Variants in ADGB observed in about 807,000 individuals in gnomAD.
The protein encoded by ADGB is androglobin.
ADGB carries 172 observed loss-of-function variants against 210.5 expected under a neutral mutation model. That is an observed-to-expected ratio of 0.82 (90% CI 0.72 to 0.93). ADGB has a LOEUF of 0.93. Ranked by LOEUF, ADGB falls within the 40% of genes least tolerant of loss-of-function variation. The probability of loss-of-function intolerance (pLI) is 0.00; values close to 1 mark genes in which losing one functional copy is unlikely to be tolerated. For synonymous variants in ADGB, 658 were observed against 662.7 expected, an observed-to-expected ratio of 0.99 and a Z score of 0.11; for missense variants, 2,025 against 1,964.8, an observed-to-expected ratio of 1.03 and a Z score of -0.58.
rs1319834455 is a variant in ADGB, at chr6:146,717,108, T to C, written c.1928+39T>C. 4.0e-6 allele frequency: 6 copies of C among 1,490,512 alleles called. No individual in the cohort carries two copies. The East Asian group carries it at 1.2e-4, about 31-fold the overall frequency. The allele number at this position is 1,490,512 out of a possible 1,614,324, so 92.3% of individuals were successfully genotyped here. A position where few individuals can be genotyped will look rare whatever the true frequency, so the allele number is the denominator to read the frequency against. ...TGGGATCAATCTGACTATGTCGTAG[T>C]GGTTAAACCCTGAGCTGCATTAGTA... On this transcript the variant is annotated intron_variant, in intron 15 of 35. Coordinates refer to ENST00000397944, the MANE Select transcript of ADGB (RefSeq NM_024694.4).
chr6:146,625,975 C>G (rs1415032157), intron 1 of ADGB, among the ~76,000 whole-genome samples: 1 of 151,774 alleles, frequency 6.6e-6, no homozygotes, highest in Non-Finnish European at 1.5e-5. Context: ...CTTTTTGTCT[C>G]TCTTTCTTGT....
At chr6:146,809,787 G>C (rs1157975350) in intron 35 of ADGB, among the ~76,000 whole-genome samples, 13 of 152,084 alleles carry the variant, frequency 8.5e-5, no homozygotes, top group African/African-American at 2.9e-4. Flanking sequence ...TAGGAACATT[G>C]CCCTATGCTA....
Position 146,745,936 on chromosome 6 carries a change from T to G in ADGB, c.3192T>G (p.Phe1064Leu). The change falls in exon 26 of 36, where the codon TTT (phenylalanine) becomes TTG (leucine). Residue 1064 changes from phenylalanine (F) to leucine (L), a missense_variant. Coordinates refer to ENST00000397944, the MANE Select transcript of ADGB (RefSeq NM_024694.4). ...LYTKNKKGYT[F>L]VAEAFTGDTY... The stretch of plus-strand genomic sequence containing the variant: ...CTTTCTTATAGAAGGGATACACTTT[T>G]GTGGCGGAAGCATTTACAGGCGACA... 6.5e-7 allele frequency: 1 copy of G among 1,547,224 alleles called. No individual in the cohort carries two copies. Among genetic ancestry groups the G allele is most frequent in the Non-Finnish European group, 8.7e-7 (1 of 1,145,080 alleles).
intron 12 of ADGB, among the ~76,000 whole-genome samples, chr6:146,698,712 TAATA>T (rs1776444855): frequency 6.6e-6 from 1 of 152,232 alleles, no homozygotes; most frequent in East Asian, 1.9e-4. Context: ...TGTTGCAAAT[TAATA>T]AATCTAGTTT....
At chr6:146,668,078 A>G (rs1311463080) in intron 7 of ADGB, among the ~76,000 whole-genome samples, 1 of 152,090 alleles carries the variant, frequency 6.6e-6, no homozygotes, top group Non-Finnish European at 1.5e-5. Flanking sequence ...CTGACTTATA[A>G]TTTCACGATC....
intron 13 of ADGB, among the ~76,000 whole-genome samples, chr6:146,714,400 C>T (rs1015519376): frequency 3.3e-5 from 5 of 151,950 alleles, no homozygotes; most frequent in African/African-American, 1.2e-4. Flanking sequence ...TATACTTGTC[C>T]ATCCATGAAG....
In ADGB at chr6:146,752,536, G is replaced by A. The variant is rs965818252; in HGVS notation, c.3372G>A (p.Ser1124=). The A allele has an allele frequency of 1.2e-5, 19 of 1,536,512 alleles. No homozygotes were observed. Among genetic ancestry groups the A allele is most frequent in the Admixed American group, 8.3e-5 (4 of 48,328 alleles). Residue 1124 remains serine, a synonymous_variant, in exon 27 of 36, where the codon TCG becomes TCA. Coordinates refer to ENST00000397944, the MANE Select transcript of ADGB (RefSeq NM_024694.4). ...PNDKKILFRY[S]VKVLTPQPAT... The stretch of plus-strand genomic sequence containing the variant: ...TAACTTTTTTTCTTTACAGGTATTC[G>A]GTTAAAGTTCTAACACCACAACCTG...
chr6:146,668,732 G>A (rs1311265623), intron 7 of ADGB, among the ~76,000 whole-genome samples: 1 of 151,992 alleles, frequency 6.6e-6, no homozygotes, highest in East Asian at 1.9e-4. Flanking sequence ...ACCAGAGGAT[G>A]GTAAAGAAAC....
intron 13 of ADGB, among the ~76,000 whole-genome samples, chr6:146,704,772 A>T (rs928438948): frequency 2.0e-5 from 3 of 151,992 alleles, no homozygotes; most frequent in Non-Finnish European, 4.4e-5. Context: ...GTGGTTTCAC[A>T]TGGATTTTAG....
intron 28 of ADGB, among the ~76,000 whole-genome samples, chr6:146,766,489 G>A (rs1352507119): frequency 7.0e-6 from 1 of 143,522 alleles, no homozygotes; most frequent in Non-Finnish European, 1.5e-5. Context: ...TTAAACCTGG[G>A]GGTGAGGGGG....
intron 35 of ADGB, chr6:146,807,347 G>A: frequency 6.7e-7 from 1 of 1,503,722 alleles, no homozygotes; most frequent in Admixed American, 2.4e-5. Context: ...TTTCTTTCTG[G>A]GAACGTAAGC....
In ADGB at chr6:146,740,990, A is replaced by C. The variant is rs952449845; in HGVS notation, c.3024-128A>C. ...ATATTAATAGTAATTTTTAAAAGAA[A>C]ATAATATGTGTGCCTTTTAGTTATT... On this transcript the variant is annotated intron_variant, in intron 24 of 35. Coordinates refer to ENST00000397944, the MANE Select transcript of ADGB (RefSeq NM_024694.4). 9.3e-6 allele frequency: 6 copies of C among 645,960 alleles called. No individual in the cohort carries two copies. In the African/African-American group the frequency reaches 1.1e-4, roughly 12 times the overall value. 40.0% of individuals were successfully genotyped at this position (645,960 alleles called of 1,614,324 possible). A position where few individuals can be genotyped will look rare whatever the true frequency, so the allele number is the denominator to read the frequency against.
intron 4 of ADGB, 22 bp downstream of exon 4, chr6:146,654,228 A>G (rs1357436525): frequency 6.7e-7 from 1 of 1,502,908 alleles, no homozygotes; most frequent in Non-Finnish European, 9.0e-7. Context: ...AATATGAACT[A>G]AAGTCTCACC....
intron 10 of ADGB, among the ~76,000 whole-genome samples, chr6:146,689,132 A>G (rs182024077): frequency 6.6e-6 from 1 of 152,256 alleles, no homozygotes; most frequent in East Asian, 1.9e-4. Flanking sequence ...GAGCTGAAGT[A>G]AAAAGAGTGA....
chr6:146,685,865 TTGTGTGTGTGGGTGCACG>T (rs1562274014), intron 10 of ADGB, 37 bp downstream of exon 10: 2 of 1,380,874 alleles, frequency 1.4e-6, no homozygotes, highest in Non-Finnish European at 2.0e-6. Flanking sequence ...ATTATTTATT[TTGTGTGTGTGGGTGCACG>T]TGTGTGTGTG....
rs1776302614 is a variant in ADGB, at chr6:146,691,227, C to G, written c.1423C>G (p.Pro475Ala). 6.5e-7 allele frequency: 1 copy of G among 1,548,720 alleles called. No homozygotes were observed. The change falls in exon 11 of 36, where the codon CCT becomes GCT. Residue 475 changes from proline to alanine, a missense_variant. Transcript: ENST00000397944. ...CPLVAPPKPP[P>A]LPPWKLIRQK... ...TCTGGTAGCACCACCAAAACCACCT[C>G]CTCTACCTCCCTGGAAACTCATTCG...
intron 13 of ADGB, among the ~76,000 whole-genome samples, chr6:146,705,540 G>T (rs1393422942): frequency 1.3e-5 from 2 of 151,888 alleles, no homozygotes; most frequent in East Asian, 1.9e-4. Context: ...ATGATTGCAT[G>T]GTTTTTATCT....
rs187236497 is a variant in ADGB at position 146,804,078 on chromosome 6, C to T, written c.4818+2067C>T. 1.3e-3 allele frequency among the ~76,000 whole-genome samples: 203 copies of T among 152,084 alleles called. 2 individuals carry two copies. The highest frequency in any genetic ancestry group is 4.7e-3 in the African/African-American group (197 of 41,482). On this transcript the variant is annotated intron_variant, in intron 35 of 35. Coordinates refer to ENST00000397944, the MANE Select transcript of ADGB (RefSeq NM_024694.4). The stretch of plus-strand genomic sequence containing the variant: ...ATCCAGATTATTGTCATCCGTTCAC[C>T]CCAGTAGAAGAATAGGTGTCCTTTA...
chr6:146,648,256 T>C (rs1434559320), intron 3 of ADGB, among the ~76,000 whole-genome samples: 1 of 152,196 alleles, frequency 6.6e-6, no homozygotes, highest in African/African-American at 2.4e-5. Context: ...CTCACTATGT[T>C]GCCCAGGCTG....
Sources: gnomAD v4.1 joint callset for allele counts (sites outside exome capture counted in the v4.1 genomes callset) on GRCh38, gnomAD v4.1.1 for gene constraint, MANE v1.5 for transcripts, NCBI Gene and HGNC (gene_info 2026-07-23, HGNC 2026-07-21) for gene names.